The following GOLM2 variants were observed in gnomAD, a reference collection of about 807,000 sequenced individuals.
GOLM2 encodes golgi membrane protein 2.
GOLM2 carries 26 observed loss-of-function variants against 55.9 expected under a neutral mutation model. That is an observed-to-expected ratio of 0.47 (90% CI 0.34 to 0.65). The LOEUF (loss-of-function observed/expected upper bound fraction) is 0.65, where lower values mean the gene tolerates loss of function less well. Among genes scored for constraint, GOLM2 ranks in the 30% least tolerant of loss-of-function variants. The pLI, the probability that GOLM2 is intolerant of heterozygous loss-of-function variation, is 0.01. For synonymous variants in GOLM2, 165 were observed against 194.6 expected (o/e 0.85, Z 1.27); for missense variants, 486 against 531.8 (o/e 0.91, Z 0.85).
chr15:44,397,136 TA>T (rs570343281), intron 8 of GOLM2, among the ~76,000 whole-genome samples: 108 of 152,214 alleles, frequency 7.1e-4, no homozygotes, highest in African/African-American at 2.2e-3. Context: ...TTAAAGGTTG[TA>T]AAAAGTTGAA....
chr15:44,298,087 T>G (rs1483089025), intron 1 of GOLM2, among the ~76,000 whole-genome samples: 1 of 151,222 alleles, frequency 6.6e-6, no homozygotes, highest in Admixed American at 6.6e-5. Flanking sequence ...GCCAAGCTGG[T>G]CTCGAACTCC....
At chr15:44,377,039 A>C (rs1045753789) in intron 6 of GOLM2, among the ~76,000 whole-genome samples, 12 of 152,206 alleles carry the variant, frequency 7.9e-5, no homozygotes, top group Admixed American at 6.5e-5. Flanking sequence ...GTAAAAGTCT[A>C]TCCACCAACT....
chr15:44,332,099 T>G lies in GOLM2; in HGVS notation c.576+21T>G. On this transcript the variant is annotated intron_variant, in intron 4 of 9. Coordinates refer to ENST00000299957, the MANE Select transcript of GOLM2 (RefSeq NM_138423.4). ...AAAAGGTAAATTTTAAAAATATACT[T>G]AAATCCAAATATTTTTATTATAAAT... 2.8e-6 allele frequency: 3 copies of G among 1,090,720 alleles called. No homozygotes were observed. In the South Asian group the frequency reaches 4.4e-5, roughly 16 times the overall value. 67.6% of individuals were successfully genotyped at this position (1,090,720 alleles called of 1,614,324 possible). A position where few individuals can be genotyped will look rare whatever the true frequency, so the allele number is the denominator to read the frequency against.
In GOLM2 at chr15:44,402,039, G is replaced by A. The variant is rs1289680025; in HGVS notation, c.1073-848G>A. Among the ~76,000 whole-genome samples, 4 of 151,542 alleles carry A rather than the reference G, an allele frequency of 2.6e-5. No individual in the cohort carries two copies. The East Asian group carries it at 7.7e-4, about 29-fold the overall frequency. On this transcript the variant is annotated intron_variant, in intron 8 of 9. Coordinates refer to ENST00000299957, the MANE Select transcript of GOLM2 (RefSeq NM_138423.4). ...GAGATGGGGTTTCACCATGTTTGCC[G>A]GGCTGGTCTCGAACTACTGACCTCA...
intron 1 of GOLM2, among the ~76,000 whole-genome samples, chr15:44,312,790 TACA>T (rs1371203439): frequency 6.6e-6 from 1 of 151,554 alleles, no homozygotes; most frequent in African/African-American, 2.4e-5. Flanking sequence ...TACTAAAAAA[TACA>T]ACAATGGCTG....
chr15:44,379,475 C>G (rs1368043663), intron 6 of GOLM2, among the ~76,000 whole-genome samples: 1 of 151,484 alleles, frequency 6.6e-6, no homozygotes, highest in Non-Finnish European at 1.5e-5. Flanking sequence ...AAGACTCTGT[C>G]CCCCCACCAA....
chr15:44,391,763 G>A (rs146864081), intron 8 of GOLM2, among the ~76,000 whole-genome samples: 241 of 152,242 alleles, frequency 1.6e-3, no homozygotes, highest in African/African-American at 5.6e-3. Context: ...GGGAAAATCT[G>A]AATAGTTCCA....
intron 6 of GOLM2, among the ~76,000 whole-genome samples, chr15:44,342,395 C>G (rs1452644197): frequency 6.6e-6 from 1 of 152,090 alleles, no homozygotes; most frequent in Non-Finnish European, 1.5e-5. Flanking sequence ...TCCCGAGTAG[C>G]TGGGACTACA....
rs189461662 is a variant in GOLM2 at position 44,383,496 on chromosome 15, T to C, written c.1072+2520T>C. Among the ~76,000 whole-genome samples the C allele has an allele frequency of 4.9e-4, 74 of 152,184 alleles. No individual in the cohort carries two copies. In the East Asian group the frequency reaches 8.9e-3, roughly 18 times the overall value. ...TCGTTTTTATAAGGTATTTAGAATA[T>C]AACGTTTCCTTAAAAATGTTTTAAT... On this transcript the variant is annotated intron_variant, in intron 8 of 9. Transcript: ENST00000299957.
intron 6 of GOLM2, chr15:44,355,664 T>C (rs2079193136): frequency 9.0e-6 from 2 of 221,380 alleles, no homozygotes; most frequent in South Asian, 6.3e-5. Context: ...GTGGTGGACC[T>C]CATGGTCCAC....
At chr15:44,331,664 G>A (rs561684348) in intron 3 of GOLM2, among the ~76,000 whole-genome samples, 11 of 151,784 alleles carry the variant, frequency 7.2e-5, no homozygotes, top group Admixed American at 6.6e-5. Context: ...CTCTTCTATA[G>A]TATTTTTCTC....
At chr15:44,345,534 A>G (rs774942708) in intron 6 of GOLM2, among the ~76,000 whole-genome samples, 1 of 152,192 alleles carries the variant, frequency 6.6e-6, no homozygotes, top group Non-Finnish European at 1.5e-5. Context: ...TGCTAGGATT[A>G]CAGGTGTAAG....
chr15:44,357,824 T>G (rs1327878206), intron 6 of GOLM2, among the ~76,000 whole-genome samples: 1 of 152,148 alleles, frequency 6.6e-6, no homozygotes, highest in Non-Finnish European at 1.5e-5. Context: ...ATTCAATTAT[T>G]TAGGTATAAA....
chr15:44,341,792 G>C (rs1233915800), intron 6 of GOLM2, among the ~76,000 whole-genome samples: 1 of 150,758 alleles, frequency 6.6e-6, no homozygotes, highest in Non-Finnish European at 1.5e-5. Flanking sequence ...GGCCTCCCGG[G>C]TTTAAGCAGT....
chr15:44,336,953 GT>G (rs1374407027), intron 4 of GOLM2, among the ~76,000 whole-genome samples: 1 of 151,992 alleles, frequency 6.6e-6, no homozygotes, highest in Non-Finnish European at 1.5e-5. Context: ...TTTGGCTCTT[GT>G]TTTTCTAGAT....
At chr15:44,292,233 G>T (rs751037785) in intron 1 of GOLM2, among the ~76,000 whole-genome samples, 1 of 147,140 alleles carries the variant, frequency 6.8e-6, no homozygotes, top group Non-Finnish European at 1.5e-5. Flanking sequence ...AGTCTCGCTC[G>T]GTTAAGCAGG....
Position 44,288,929 on chromosome 15 carries a change from G to A in GOLM2, c.-101G>A. The A allele has an allele frequency of 3.5e-6, 4 of 1,133,080 alleles. No homozygotes were observed. Among genetic ancestry groups the A allele is most frequent in the Non-Finnish European group, 5.0e-6 (4 of 807,778 alleles). 70.2% of individuals were successfully genotyped at this position (1,133,080 alleles called of 1,614,324 possible). A position where few individuals can be genotyped will look rare whatever the true frequency, so the allele number is the denominator to read the frequency against. On this transcript the variant is annotated 5_prime_UTR_variant, in exon 1 of 10. Coordinates refer to ENST00000299957, the MANE Select transcript of GOLM2 (RefSeq NM_138423.4). ...GGTAAGCCCGCCTCCTCCCTCGGCC[G>A]GCCCTGGGGCCGTGTCCGCCGGGCA...
At chr15:44,361,468 C>A (rs2079238381) in intron 6 of GOLM2, among the ~76,000 whole-genome samples, 1 of 152,130 alleles carries the variant, frequency 6.6e-6, no homozygotes, top group Admixed American at 6.5e-5. Flanking sequence ...AATTCCTCGA[C>A]ACATACACTC....
chr15:44,358,296 G>C (rs934570774), intron 6 of GOLM2, among the ~76,000 whole-genome samples: 4 of 152,224 alleles, frequency 2.6e-5, no homozygotes, highest in Admixed American at 2.6e-4. Context: ...GGAGGTTGCA[G>C]TGAGCCAAGA....
Sources: allele counts gnomAD v4.1 joint callset (sites outside exome capture counted in the v4.1 genomes callset), GRCh38; gene constraint gnomAD v4.1.1; transcripts MANE v1.5; gene names NCBI Gene and HGNC (gene_info 2026-07-23, HGNC 2026-07-21).